MYO1E: variants seen among roughly 807,000 people sequenced by gnomAD.
MYO1E encodes myosin IE.
MYO1E carries 68 observed loss-of-function variants against 151.1 expected under a neutral mutation model. The ratio of observed to expected loss-of-function variants is 0.45; its 90% CI spans 0.37 to 0.55. The LOEUF is 0.55. MYO1E is among the 20% of genes least tolerant of loss of function. The probability of loss-of-function intolerance (pLI) is 0.00; values close to 1 mark genes in which losing one functional copy is unlikely to be tolerated. For missense variants in MYO1E, 1,363 were observed against 1,389.3 expected, an observed-to-expected ratio of 0.98 and a Z score of 0.30; for synonymous variants, 601 against 501.7, an observed-to-expected ratio of 1.20 and a Z score of -2.64.
chr15:59,366,138 C>A (rs1004246440), intron 1 of MYO1E, among the ~76,000 whole-genome samples: 1 of 151,978 alleles, frequency 6.6e-6, no homozygotes, highest in African/African-American at 2.4e-5. Flanking sequence ...CACCACCACA[C>A]CTGGCTACTT....
chr15:59,178,627 A>T, intron 18 of MYO1E, 90 bp from the exon 19 acceptor site: 1 of 1,512,858 alleles, frequency 6.6e-7, no homozygotes. Flanking sequence ...TCTGCTCTGA[A>T]GGTGCCCAGT....
intron 5 of MYO1E, among the ~76,000 whole-genome samples, chr15:59,232,338 T>C (rs1330881944): frequency 6.6e-6 from 1 of 152,262 alleles, no homozygotes; most frequent in Non-Finnish European, 1.5e-5. Context: ...AAAATGCAGA[T>C]GTGGACTTAG....
chr15:59,348,962 TA>T (rs1191990030), intron 1 of MYO1E: 2 of 152,120 alleles, frequency 1.3e-5, no homozygotes, highest in African/African-American at 4.8e-5. Flanking sequence ...CACAAAAGCT[TA>T]AAGGGTCTAA....
At chr15:59,306,953 T>C (rs2080518264) in intron 1 of MYO1E, among the ~76,000 whole-genome samples, 1 of 152,186 alleles carries the variant, frequency 6.6e-6, no homozygotes, top group Non-Finnish European at 1.5e-5. Flanking sequence ...TTCCTGTATC[T>C]TTGCAGCCTT....
chr15:59,326,258 G>A (rs568778120), intron 1 of MYO1E, among the ~76,000 whole-genome samples: 11 of 152,122 alleles, frequency 7.2e-5, no homozygotes, highest in African/African-American at 2.4e-4. Flanking sequence ...GGTGGCTCAC[G>A]CCCGTAATTC....
At chr15:59,353,101 T>C (rs747898484) in intron 1 of MYO1E, among the ~76,000 whole-genome samples, 1 of 152,142 alleles carries the variant, frequency 6.6e-6, no homozygotes, top group African/African-American at 2.4e-5. Context: ...CACATTTCCC[T>C]TTCTCAAAAG....
intron 21 of MYO1E, among the ~76,000 whole-genome samples, chr15:59,172,812 T>C (rs1263028560): frequency 1.3e-5 from 2 of 152,266 alleles, no homozygotes; most frequent in African/African-American, 4.8e-5. Context: ...TACTTGGGAA[T>C]TTGTGGGTAA....
chr15:59,256,840 C>T (rs142303124), intron 3 of MYO1E, among the ~76,000 whole-genome samples: 32 of 152,226 alleles, frequency 2.1e-4, no homozygotes, highest in Admixed American at 1.3e-4. Flanking sequence ...TAAGAGGCCA[C>T]GTTGTAGATT....
intron 22 of MYO1E, among the ~76,000 whole-genome samples, chr15:59,169,924 C>T (rs1170746523): frequency 1.3e-5 from 2 of 152,156 alleles, no homozygotes; most frequent in East Asian, 1.9e-4. Context: ...CTTTGGGAGG[C>T]TGAGATGAGT....
Position 59,224,708 on chromosome 15 carries a change from C to T in MYO1E, c.758G>A (p.Arg253Gln), listed in dbSNP as rs143368771. Reference protein sequence around the residue: ...SYKVDDIDDRREFQETLHAMN... With the variant: ...SYKVDDIDDRQEFQETLHAMN... ...ACTTACCAGAGTTTCCTGAAACTCC[C>T]GCCTGTCGTCAATGTCATCAACCTT... The change falls in exon 8 of 28, where the codon CGG becomes CAG. Residue 253 changes from arginine to glutamine, a missense_variant. Physicochemically the swap from Arg to Gln is conservative, Grantham distance 43. Coordinates refer to ENST00000288235, the MANE Select transcript of MYO1E (RefSeq NM_004998.4). 8.7e-6 allele frequency: 14 copies of T among 1,613,278 alleles called. No homozygotes were observed. Among genetic ancestry groups the T allele is most frequent in the South Asian group, 3.3e-5 (3 of 91,084 alleles).
At chr15:59,270,162 T>C (rs1294012793) in intron 2 of MYO1E, among the ~76,000 whole-genome samples, 6 of 152,196 alleles carry the variant, frequency 3.9e-5, no homozygotes, top group African/African-American at 7.2e-5. Flanking sequence ...TTGTGGAGTA[T>C]AGATTTTAAA....
Position 59,218,001 on chromosome 15 carries a change from C to T in MYO1E, c.997G>A (p.Gly333Arg), listed in dbSNP as rs748975566. 5.0e-6 allele frequency: 8 copies of T among 1,614,210 alleles called. No individual in the cohort carries two copies. In the Admixed American group the frequency reaches 1.2e-4, roughly 24 times the overall value. Residue 333 changes from glycine (G) to arginine (R), a missense_variant, in exon 10 of 28, where the codon GGA (glycine) becomes AGA (arginine). Coordinates refer to ENST00000288235, the MANE Select transcript of MYO1E (RefSeq NM_004998.4). Reference protein sequence around the residue: ...LTSRQMDSKWGGKSESIHVTL... With the variant: ...LTSRQMDSKWRGKSESIHVTL... ...ACGTGGATGGATTCGGATTTGCCTC[C>T]CCACTTGCTATCCATCTGCCGGCTT...
intron 1 of MYO1E, among the ~76,000 whole-genome samples, chr15:59,336,845 T>C (rs1462763925): frequency 6.6e-6 from 1 of 152,000 alleles, no homozygotes. Flanking sequence ...CATGCGGTGT[T>C]TGGTTTTCTG....
At chr15:59,178,953 A>C (rs1375990364) in intron 18 of MYO1E, among the ~76,000 whole-genome samples, 1 of 152,226 alleles carries the variant, frequency 6.6e-6, no homozygotes, top group Non-Finnish European at 1.5e-5. Context: ...AGCTCCTGCT[A>C]AACAGCTATT....
chr15:59,343,640 G>GAGCT (rs2080777827), intron 1 of MYO1E, among the ~76,000 whole-genome samples: 1 of 151,814 alleles, frequency 6.6e-6, no homozygotes. Flanking sequence ...ATAATTCTTG[G>GAGCT]ATTTGCCCTT....
rs2140381811 is a variant in MYO1E at position 59,271,662 on chromosome 15, A to G, written c.147+644T>C. Among the ~76,000 whole-genome samples the G allele has an allele frequency of 1.3e-5, 2 of 152,384 alleles. 1 individual carries two copies. The highest frequency in any genetic ancestry group is 4.1e-4 in the South Asian group (2 of 4,828). The stretch of plus-strand genomic sequence containing the variant: ...AGCTAAAATTGAAACATAAAGAACA[A>G]CTGAAGAACGTCAAGCATTTTCAAT... On this transcript the variant is annotated intron_variant, in intron 2 of 27. Transcript: ENST00000288235.
At chr15:59,157,142 C>G (rs2079513821) in intron 25 of MYO1E, among the ~76,000 whole-genome samples, 1 of 152,034 alleles carries the variant, frequency 6.6e-6, no homozygotes, top group African/African-American at 2.4e-5. Context: ...GGGAGGATCA[C>G]TTGATCCAGG....
At chr15:59,213,869 G>A (rs1164330909) in intron 12 of MYO1E, among the ~76,000 whole-genome samples, 13 of 152,134 alleles carry the variant, frequency 8.5e-5, no homozygotes, top group Admixed American at 2.6e-4. Context: ...TGAAAATGGC[G>A]TAGATCTGAG....
Position 59,158,310 on chromosome 15 carries a change from A to G in MYO1E, c.2855T>C (p.Val952Ala). ...SSGTQNANYP[V>A]RAAPPPPGYH... is the part of the protein sequence containing the mutation. ...ACCTGGGGGAGGAGGGGCAGCTCTC[A>G]CTGGGTAGTTGGCATTTTGAGTCCC... The change falls in exon 25 of 28, where the codon GTG (valine) becomes GCG (alanine). Residue 952 changes from valine to alanine, a missense_variant. Transcript: ENST00000288235. 6.3e-7 allele frequency: 1 copy of G among 1,576,794 alleles called. No individual in the cohort carries two copies. Among genetic ancestry groups the G allele is most frequent in the Non-Finnish European group, 8.6e-7 (1 of 1,159,028 alleles).
Sources: allele counts gnomAD v4.1 joint callset (sites outside exome capture counted in the v4.1 genomes callset), GRCh38; gene constraint gnomAD v4.1.1; transcripts MANE v1.5; gene names NCBI Gene and HGNC (gene_info 2026-07-23, HGNC 2026-07-21).